Variants in FAM185A observed in about 807,000 individuals in gnomAD.
FAM185A encodes family with sequence similarity 185 member A, also known as protein FAM185A.
In FAM185A, 21 loss-of-function variants were observed where a neutral mutation model predicts 45.7. The ratio of observed to expected loss-of-function variants is 0.46; its 90% CI spans 0.33 to 0.66. FAM185A has a LOEUF of 0.66. FAM185A is among the 30% of genes least tolerant of loss of function. The pLI is 0.03. For synonymous variants in FAM185A, 117 were observed against 194.0 expected (o/e 0.60, Z 3.30); for missense variants, 305 against 485.4 (o/e 0.63, Z 3.49).
the FAM185A span, among the ~76,000 whole-genome samples, chr7:102,821,316 C>A: frequency 1.3e-5 from 2 of 152,170 alleles, no homozygotes; most frequent in Non-Finnish European, 2.9e-5. Context: ...CCCTGCAGGC[C>A]TGGGCCCAGT....
chr7:102,795,136 C>T (rs1257815389), intron 7 of FAM185A, among the ~76,000 whole-genome samples: 3 of 152,042 alleles, frequency 2.0e-5, no homozygotes, highest in Non-Finnish European at 4.4e-5. Flanking sequence ...TGAGTATATA[C>T]AAAGACATAC....
chr7:102,846,544 G>GGAA, the FAM185A span, among the ~76,000 whole-genome samples: 66,269 of 150,622 alleles, frequency 0.44, 17,620 homozygotes, highest in African/African-American at 0.76. Flanking sequence ...GTCTGAGCCC[G>GGAA]GAAGGAGGTT....
At chr7:102,841,606 A>C in the FAM185A span, among the ~76,000 whole-genome samples, 3 of 152,242 alleles carry the variant, frequency 2.0e-5, no homozygotes, top group Non-Finnish European at 2.9e-5. Flanking sequence ...CAAACTGTCA[A>C]ATCCCACATC....
At chr7:102,849,203 C>T in the FAM185A span, among the ~76,000 whole-genome samples, 1 of 152,194 alleles carries the variant, frequency 6.6e-6, no homozygotes, top group African/African-American at 2.4e-5. Context: ...GTTACAGCTG[C>T]ATCAAACATC....
chr7:102,848,273 G>GTGTGTACGGATATTATATAAATGT, the FAM185A span, among the ~76,000 whole-genome samples: 1 of 116,168 alleles, frequency 8.6e-6, no homozygotes. Context: ...ATACACATTC[G>GTGTGTACGGATATTATATAAATGT]AGGCCGGGCG....
chr7:102,749,622 C>G lies in FAM185A; in HGVS notation c.415C>G (p.Gln139Glu), dbSNP rs1415141467. The change falls in exon 1 of 8, where the codon CAG becomes GAG. Residue 139 changes from glutamine (Q) to glutamate (E), a missense_variant. By Grantham distance (29) the Gln-to-Glu change is conservative. This residue lies in a region of FAM185A where 174 missense variants were observed against 247.1 expected (regional missense o/e 0.70). Transcript: ENST00000413034. ...CATTGTGTCTGATACTATCCACCCC[C>G]AGGCGTCCGTGGAGGTGAACGCGCC... ...MAIVSDTIHPQASVEVNAPLK... is the reference protein window; with the variant it reads ...MAIVSDTIHPEASVEVNAPLK... The G allele has an allele frequency of 6.7e-7, 1 of 1,503,304 alleles. No homozygotes were observed. Among genetic ancestry groups the G allele is most frequent in the Admixed American group, 2.2e-5 (1 of 44,792 alleles). The allele number at this position is 1,503,304 out of a possible 1,614,324, so 93.1% of individuals were successfully genotyped here.
chr7:102,823,393 T>C, the FAM185A span, among the ~76,000 whole-genome samples: 1 of 152,176 alleles, frequency 6.6e-6, no homozygotes, highest in Admixed American at 6.5e-5. Flanking sequence ...GTAAAAAAGA[T>C]GGAGTAACCT....
chr7:102,846,748 G>GAAGCTTAAGAATCGTCCCT, the FAM185A span, among the ~76,000 whole-genome samples: 8 of 152,076 alleles, frequency 5.3e-5, no homozygotes, highest in Non-Finnish European at 7.3e-5. Context: ...TTGTACTAAG[G>GAAGCTTAAGAATCGTCCCT]AAGCTTAATG....
At chr7:102,801,329 A>C (rs1359508962) in intron 7 of FAM185A, among the ~76,000 whole-genome samples, 2 of 152,278 alleles carry the variant, frequency 1.3e-5, no homozygotes, top group Non-Finnish European at 2.9e-5. Flanking sequence ...TAAAAAAAAA[A>C]CAAAAAAACA....
At chr7:102,831,916 C>T in the FAM185A span, among the ~76,000 whole-genome samples, 1 of 152,074 alleles carries the variant, frequency 6.6e-6, no homozygotes, top group Non-Finnish European at 1.5e-5. Context: ...TAATCCAGAA[C>T]CTGAGATCTC....
intron 6 of FAM185A, among the ~76,000 whole-genome samples, chr7:102,785,092 G>C (rs1795693379): frequency 6.6e-6 from 1 of 152,034 alleles, no homozygotes; most frequent in African/African-American, 2.4e-5. Flanking sequence ...GCTTCAAAGA[G>C]AATAAAATAC....
chr7:102,773,918 A>G (rs1487161765), intron 5 of FAM185A, among the ~76,000 whole-genome samples: 1 of 152,110 alleles, frequency 6.6e-6, no homozygotes. Flanking sequence ...TATCTTTGGT[A>G]AGTCTGTAAA....
the FAM185A span, among the ~76,000 whole-genome samples, chr7:102,822,731 A>T: frequency 6.6e-6 from 1 of 152,226 alleles, no homozygotes; most frequent in Non-Finnish European, 1.5e-5. Flanking sequence ...AACTGTTTCC[A>T]AATAAGGTCA....
At chr7:102,799,317 C>G (rs893401519) in intron 7 of FAM185A, among the ~76,000 whole-genome samples, 2 of 151,982 alleles carry the variant, frequency 1.3e-5, no homozygotes, top group African/African-American at 2.4e-5. Context: ...AAAAAGCTTA[C>G]GGGAGGTCCT....
chr7:102,775,761 CT>C (rs917099365), intron 5 of FAM185A, among the ~76,000 whole-genome samples: 1 of 151,566 alleles, frequency 6.6e-6, no homozygotes, highest in Non-Finnish European at 1.5e-5. Context: ...TTACACTTTT[CT>C]TTTTTTTAGC....
chr7:102,813,534 G>A (rs1797590271), downstream of FAM185A: 2 of 1,613,548 alleles, frequency 1.2e-6, no homozygotes, highest in South Asian at 1.1e-5. Flanking sequence ...CTGCCTTCCT[G>A]TAATAACAGT....
chr7:102,756,303 CTT>C (rs940611044), intron 2 of FAM185A, among the ~76,000 whole-genome samples: 1 of 152,018 alleles, frequency 6.6e-6, no homozygotes, highest in African/African-American at 2.4e-5. Context: ...ATCCATATCT[CTT>C]TATGTAATAA....
chr7:102,828,527 C>T, the FAM185A span, among the ~76,000 whole-genome samples: 1 of 152,310 alleles, frequency 6.6e-6, no homozygotes, highest in Non-Finnish European at 1.5e-5. Flanking sequence ...TCTCTTACTC[C>T]TCTCCCTTTA....
At chr7:102,838,489 C>T in the FAM185A span, among the ~76,000 whole-genome samples, 2 of 151,678 alleles carry the variant, frequency 1.3e-5, no homozygotes, top group African/African-American at 4.8e-5. Context: ...GTCACTCTGT[C>T]ACCCAGGCTG....
Sources: gnomAD v4.1 joint callset for allele counts (sites outside exome capture counted in the v4.1 genomes callset) on GRCh38, gnomAD v4.1.1 for gene constraint, gnomAD v4.1.1 regional missense constraint, MANE v1.5 for transcripts, NCBI Gene and HGNC (gene_info 2026-07-23, HGNC 2026-07-21) for gene names.